LRRTM4: variants seen among roughly 807,000 people sequenced by gnomAD.
The protein encoded by LRRTM4 is leucine-rich repeat transmembrane neuronal protein 4.
In LRRTM4, 25 loss-of-function variants were observed where a neutral mutation model predicts 47.6. That is an observed-to-expected ratio of 0.53 (90% CI 0.38 to 0.73). The LOEUF (loss-of-function observed/expected upper bound fraction) is 0.73. LRRTM4 is among the 30% of genes least tolerant of loss of function. The pLI is 0.00. For synonymous variants in LRRTM4, 311 were observed against 269.5 expected (o/e 1.15, Z -1.51); for missense variants, 638 against 713.4 (o/e 0.89, Z 1.20).
chr2:77,104,523 C>G lies in LRRTM4; in HGVS notation c.1552-355607G>C, dbSNP rs150803023. On this transcript the variant is annotated intron_variant, in intron 3 of 3. Transcript: ENST00000409884. ...CAACTAGGAGAGAAAAACCTCCAAC[C>G]CTCATACAAAATAGCTACAATAAAA... Among the ~76,000 whole-genome samples the G allele has an allele frequency of 3.3e-3, 504 of 152,182 alleles. 2 individuals are homozygous for G. Among genetic ancestry groups the G allele is most frequent in the African/African-American group, 0.012 (483 of 41,504 alleles).
At chr2:77,368,734 G>A (rs949093019) in intron 3 of LRRTM4, among the ~76,000 whole-genome samples, 7 of 151,726 alleles carry the variant, frequency 4.6e-5, no homozygotes, top group Non-Finnish European at 8.8e-5. Flanking sequence ...TGGTCCAAAC[G>A]AAAGGAAAGG....
At chr2:77,250,521 C>T (rs886686270) in intron 3 of LRRTM4, among the ~76,000 whole-genome samples, 2 of 152,112 alleles carry the variant, frequency 1.3e-5, no homozygotes, top group Non-Finnish European at 2.9e-5. Context: ...GTTACATATA[C>T]ACTATGTAAA....
At chr2:77,210,447 G>T (rs1331875695) in intron 3 of LRRTM4, among the ~76,000 whole-genome samples, 1 of 151,964 alleles carries the variant, frequency 6.6e-6, no homozygotes, top group African/African-American at 2.4e-5. Flanking sequence ...AATAGTTTAG[G>T]AAGTAAAAAC....
intron 3 of LRRTM4, among the ~76,000 whole-genome samples, chr2:77,030,423 G>A (rs1368467866): frequency 6.6e-6 from 1 of 152,058 alleles, no homozygotes; most frequent in South Asian, 2.1e-4. Flanking sequence ...ACAGAGCGAG[G>A]CTCCAACTCA....
intron 3 of LRRTM4, among the ~76,000 whole-genome samples, chr2:76,925,433 G>C (rs11886944): frequency 0.011 from 1,600 of 152,150 alleles, 43 homozygotes; most frequent in African/African-American, 0.037. Context: ...GCTCTTAGCC[G>C]AGGATCCATT....
chr2:77,050,205 G>A (rs565974010), intron 3 of LRRTM4, among the ~76,000 whole-genome samples: 9 of 149,590 alleles, frequency 6.0e-5, no homozygotes, highest in Non-Finnish European at 1.2e-4. Flanking sequence ...AAAAATCTGG[G>A]ATTCTGGCAT....
chr2:77,063,042 C>T (rs922773712), intron 3 of LRRTM4, among the ~76,000 whole-genome samples: 2 of 151,738 alleles, frequency 1.3e-5, no homozygotes, highest in East Asian at 2.0e-4. Flanking sequence ...GCAACCTCCA[C>T]CTCCAGGGTT....
At chr2:77,381,088 T>C (rs1673033792) in intron 3 of LRRTM4, among the ~76,000 whole-genome samples, 1 of 152,120 alleles carries the variant, frequency 6.6e-6, no homozygotes, top group Non-Finnish European at 1.5e-5. Context: ...ATCCATATGA[T>C]AGCATAAAGC....
intron 3 of LRRTM4, among the ~76,000 whole-genome samples, chr2:77,202,546 A>C (rs750423773): frequency 6.6e-6 from 1 of 151,484 alleles, no homozygotes; most frequent in South Asian, 2.1e-4. Flanking sequence ...TGGAATTTGG[A>C]TAATTTTTTT....
intron 3 of LRRTM4, among the ~76,000 whole-genome samples, chr2:77,155,575 C>A (rs1483211015): frequency 1.3e-5 from 2 of 151,350 alleles, no homozygotes; most frequent in African/African-American, 2.4e-5. Flanking sequence ...ATATATATAT[C>A]TTTTAACACA....
chr2:76,771,285 T>G (rs1357622366), intron 3 of LRRTM4, among the ~76,000 whole-genome samples: 1 of 152,184 alleles, frequency 6.6e-6, no homozygotes, highest in African/African-American at 2.4e-5. Context: ...CAGTATCAAG[T>G]CCCATTCATG....
chr2:77,027,118 G>C (rs1013498628), intron 3 of LRRTM4, among the ~76,000 whole-genome samples: 1 of 151,882 alleles, frequency 6.6e-6, no homozygotes, highest in Non-Finnish European at 1.5e-5. Flanking sequence ...CTCTTTCCTT[G>C]CCTTCTCTTT....
chr2:77,499,990 GA>G (rs932355436), intron 3 of LRRTM4, among the ~76,000 whole-genome samples: 4 of 150,422 alleles, frequency 2.7e-5, no homozygotes, highest in African/African-American at 7.3e-5. Flanking sequence ...AGATACCAAA[GA>G]AAAAAAAAGT....
intron 3 of LRRTM4, among the ~76,000 whole-genome samples, chr2:77,105,994 C>A (rs1671083606): frequency 6.6e-6 from 1 of 152,194 alleles, no homozygotes; most frequent in African/African-American, 2.4e-5. Flanking sequence ...CAACTACACT[C>A]ACCTTCTTCC....
intron 3 of LRRTM4, among the ~76,000 whole-genome samples, chr2:77,270,914 G>A (rs57416913): frequency 2.8e-4 from 42 of 152,132 alleles, no homozygotes; most frequent in African/African-American, 8.4e-4. Context: ...TTTGCTTTAA[G>A]CTTTTTTGCA....
intron 3 of LRRTM4, among the ~76,000 whole-genome samples, chr2:77,503,332 T>TGAGGATGG (rs1369995425): frequency 6.6e-6 from 1 of 151,320 alleles, no homozygotes; most frequent in Admixed American, 6.6e-5. Flanking sequence ...AGTATGAGGG[T>TGAGGATGG]GAGGATGGGT....
chr2:76,967,690 CCT>C (rs1317001658), intron 3 of LRRTM4, among the ~76,000 whole-genome samples: 1 of 151,648 alleles, frequency 6.6e-6, no homozygotes, highest in African/African-American at 2.4e-5. Flanking sequence ...CTTGAAATGC[CCT>C]TTTTCTTCAG....
At chr2:77,140,647 C>A (rs1211014893) in intron 3 of LRRTM4, among the ~76,000 whole-genome samples, 1 of 152,248 alleles carries the variant, frequency 6.6e-6, no homozygotes, top group Admixed American at 6.5e-5. Context: ...AACTAAAGAG[C>A]TTCTGCACAG....
intron 3 of LRRTM4, among the ~76,000 whole-genome samples, chr2:77,076,576 T>C (rs755330143): frequency 6.6e-6 from 1 of 152,184 alleles, no homozygotes; most frequent in Non-Finnish European, 1.5e-5. Context: ...TCTTGTTATG[T>C]TTCTTCGGGG....
Sources: gnomAD v4.1 joint callset for allele counts (sites outside exome capture counted in the v4.1 genomes callset) on GRCh38, gnomAD v4.1.1 for gene constraint, MANE v1.5 for transcripts, NCBI Gene and HGNC (gene_info 2026-07-23, HGNC 2026-07-21) for gene names.